The following USP49 variants were observed in gnomAD, a reference collection of about 807,000 sequenced individuals.
USP49 encodes the protein ubiquitin carboxyl-terminal hydrolase 49.
In USP49, 24 loss-of-function variants were observed where a neutral mutation model predicts 58.6. The ratio of observed to expected loss-of-function variants is 0.41; its 90% CI spans 0.30 to 0.58. The LOEUF (loss-of-function observed/expected upper bound fraction) is 0.58. USP49 is among the 20% of genes least tolerant of loss of function. The probability of loss-of-function intolerance (pLI) is 0.30; values close to 1 mark genes in which losing one functional copy is unlikely to be tolerated. For synonymous variants in USP49, 408 were observed against 365.1 expected, an observed-to-expected ratio of 1.12 and a Z score of -1.34; for missense variants, 703 against 866.1, an observed-to-expected ratio of 0.81 and a Z score of 2.36.
intron 5 of USP49, among the ~76,000 whole-genome samples, chr6:41,801,620 G>A (rs1443647101): frequency 1.3e-5 from 2 of 152,198 alleles, no homozygotes; most frequent in African/African-American, 4.8e-5. Flanking sequence ...CTTCAGCAGA[G>A]GGAGTATGTG....
chr6:41,830,405 G>A lies in USP49; in HGVS notation c.-28-23394C>T, dbSNP rs535515646. Among the ~76,000 whole-genome samples, 10 of 152,182 alleles carry A rather than the reference G, an allele frequency of 6.6e-5. No individual in the cohort carries two copies. The South Asian group carries it at 2.1e-3, about 32-fold the overall frequency. On this transcript the variant is annotated intron_variant, in intron 3 of 7. Coordinates refer to ENST00000682992, the MANE Select transcript of USP49 (RefSeq NM_001286554.2). Reference sequence around the variant, plus strand: ...TCCAAGTCTTGGGAAATTATGCCTTGGTAACCTAGTGTCTACTTTAACCCC... The same window carrying A: ...TCCAAGTCTTGGGAAATTATGCCTTAGTAACCTAGTGTCTACTTTAACCCC...
rs1321112368 is a variant in USP49 at position 41,796,519 on chromosome 6, T to TA, written c.*13dup. 2.8e-6 allele frequency: 2 copies of TA among 716,692 alleles called. No individual in the cohort carries two copies. Among genetic ancestry groups the TA allele is most frequent in the East Asian group, 5.4e-5 (2 of 37,292 alleles). 44.4% of individuals were successfully genotyped at this position (716,692 alleles called of 1,614,324 possible). A position where few individuals can be genotyped will look rare whatever the true frequency, so the allele number is the denominator to read the frequency against. On this transcript the variant is annotated 3_prime_UTR_variant, in exon 8 of 8. Transcript: ENST00000682992. Reference sequence around the variant, plus strand: ...CCAATACACAAAAGCCAGTCTTTGATACATGCCTCCCATTCAGGAAAATGT... The same window carrying TA: ...CCAATACACAAAAGCCAGTCTTTGATAACATGCCTCCCATTCAGGAAAATGT...
At chr6:41,832,235 C>G (rs1773647305) in intron 3 of USP49, among the ~76,000 whole-genome samples, 2 of 152,260 alleles carry the variant, frequency 1.3e-5, no homozygotes, top group Admixed American at 6.5e-5. Context: ...ATTTGTAATT[C>G]TAGGTGGAGC....
intron 2 of USP49, among the ~76,000 whole-genome samples, chr6:41,887,995 T>C (rs1029138067): frequency 6.6e-6 from 1 of 151,792 alleles, no homozygotes; most frequent in South Asian, 2.1e-4. Flanking sequence ...TCCAAACAAT[T>C]TGTAATTTTT....
intron 3 of USP49, among the ~76,000 whole-genome samples, chr6:41,848,564 T>C (rs1047577698): frequency 4.6e-5 from 7 of 151,632 alleles, no homozygotes; most frequent in Non-Finnish European, 1.0e-4. Context: ...TTTGGAGAAA[T>C]AGGGTCTTCC....
chr6:41,805,058 T>C (rs1309929252), intron 4 of USP49, among the ~76,000 whole-genome samples: 1 of 152,226 alleles, frequency 6.6e-6, no homozygotes, highest in Non-Finnish European at 1.5e-5. Context: ...CACCTGCCTT[T>C]TTTTAACTAT....
At chr6:41,813,331 A>G (rs1773291646) in intron 3 of USP49, among the ~76,000 whole-genome samples, 3 of 152,192 alleles carry the variant, frequency 2.0e-5, no homozygotes, top group Admixed American at 2.0e-4. Flanking sequence ...TTTAATTGCT[A>G]CCAAGATCTT....
chr6:41,802,460 A>T (rs868773476), intron 5 of USP49, among the ~76,000 whole-genome samples: 3,214 of 69,690 alleles, frequency 0.046, 262 homozygotes, highest in Non-Finnish European at 0.052. Context: ...TTATTTATTT[A>T]TTTATTTATT....
At chr6:41,820,825 C>A (rs950163606) in intron 3 of USP49, among the ~76,000 whole-genome samples, 13 of 152,160 alleles carry the variant, frequency 8.5e-5, no homozygotes, top group African/African-American at 2.9e-4. Flanking sequence ...TATGGTGAGA[C>A]CCCATCTCTA....
At chr6:41,890,687 A>G (rs948520874) in intron 2 of USP49, among the ~76,000 whole-genome samples, 1 of 152,202 alleles carries the variant, frequency 6.6e-6, no homozygotes, top group African/African-American at 2.4e-5. Context: ...TAATCATAAT[A>G]ATCATAATAA....
At chr6:41,871,149 T>A (rs1774406468) in intron 3 of USP49, among the ~76,000 whole-genome samples, 1 of 152,138 alleles carries the variant, frequency 6.6e-6, no homozygotes, top group South Asian at 2.1e-4. Flanking sequence ...CAGACACACA[T>A]CTGCACTTGC....
In USP49 at chr6:41,790,285, G is replaced by A. The variant is rs1408832832; in HGVS notation, c.*6248C>T. The A allele has an allele frequency of 6.6e-6, 1 of 152,206 alleles. No homozygotes were observed. Among genetic ancestry groups the A allele is most frequent in the African/African-American group, 2.4e-5 (1 of 41,440 alleles). The allele number at this position is 152,206 out of a possible 1,614,324, so 9.4% of individuals were successfully genotyped here. On this transcript the variant is annotated 3_prime_UTR_variant, in exon 8 of 8. Coordinates refer to ENST00000682992, the MANE Select transcript of USP49 (RefSeq NM_001286554.2). Reference sequence around the variant, plus strand: ...GATGTGTAGGGGGAGGCAAAGTGAAGTAAGCCTGGGCAGTGGTCACTAAAG... The same window carrying A: ...GATGTGTAGGGGGAGGCAAAGTGAAATAAGCCTGGGCAGTGGTCACTAAAG...
intron 3 of USP49, among the ~76,000 whole-genome samples, chr6:41,852,383 A>C (rs1774046599): frequency 6.6e-6 from 1 of 152,234 alleles, no homozygotes; most frequent in Admixed American, 6.5e-5. Context: ...TAGAATAGAC[A>C]AATTCAGCAA....
chr6:41,840,950 A>G (rs1396263026), intron 3 of USP49, among the ~76,000 whole-genome samples: 4 of 151,864 alleles, frequency 2.6e-5, no homozygotes, highest in African/African-American at 4.8e-5. Context: ...GGTTGGAGTG[A>G]GCTATGATTT....
intron 3 of USP49, among the ~76,000 whole-genome samples, chr6:41,865,484 A>G (rs558057151): frequency 5.5e-4 from 84 of 152,124 alleles, no homozygotes; most frequent in African/African-American, 2.0e-3. Context: ...ATCCTAAACC[A>G]TGTGGTGCCT....
intron 3 of USP49, among the ~76,000 whole-genome samples, chr6:41,847,330 A>G (rs1047242088): frequency 1.6e-4 from 25 of 152,234 alleles, no homozygotes; most frequent in Non-Finnish European, 2.5e-4. Context: ...ACAATGAAAA[A>G]GATCCAAACA....
chr6:41,874,752 C>G (rs1774473488), intron 2 of USP49, among the ~76,000 whole-genome samples: 1 of 152,116 alleles, frequency 6.6e-6, no homozygotes, highest in Non-Finnish European at 1.5e-5. Flanking sequence ...TACTTGAGCC[C>G]AGGAGTTTGA....
At chr6:41,812,521 G>A (rs1451846983) in intron 3 of USP49, among the ~76,000 whole-genome samples, 1 of 151,646 alleles carries the variant, frequency 6.6e-6, no homozygotes, top group Non-Finnish European at 1.5e-5. Context: ...GTGAAACCCC[G>A]TCTCTACTAA....
intron 3 of USP49, among the ~76,000 whole-genome samples, chr6:41,843,480 G>A (rs183803376): frequency 5.9e-5 from 9 of 152,260 alleles, no homozygotes; most frequent in Non-Finnish European, 1.0e-4. Flanking sequence ...ATCTGCATTT[G>A]TGGAACATAG....
Sources: gnomAD v4.1 joint callset for allele counts (sites outside exome capture counted in the v4.1 genomes callset) on GRCh38, gnomAD v4.1.1 for gene constraint, MANE v1.5 for transcripts, NCBI Gene and HGNC (gene_info 2026-07-23, HGNC 2026-07-21) for gene names.